Variants in PDE1A observed in about 807,000 individuals in gnomAD.
PDE1A encodes dual specificity calcium/calmodulin-dependent 3',5'-cyclic nucleotide phosphodiesterase 1A.
In PDE1A, 35 loss-of-function variants were observed where a neutral mutation model predicts 61.7. The ratio of observed to expected loss-of-function variants is 0.57; its 90% CI spans 0.43 to 0.75. The LOEUF (loss-of-function observed/expected upper bound fraction) is 0.75. PDE1A is among the 30% of genes least tolerant of loss of function. The pLI, the probability that PDE1A is intolerant of heterozygous loss-of-function variation, is 0.00. For missense variants in PDE1A, 597 were observed against 630.6 expected (o/e 0.95, Z 0.57); for synonymous variants, 232 against 213.2 (o/e 1.09, Z -0.77).
intron 2 of PDE1A, among the ~76,000 whole-genome samples, chr2:182,464,510 G>A (rs146991666): frequency 2.0e-5 from 3 of 152,142 alleles, no homozygotes; most frequent in African/African-American, 7.2e-5. Context: ...AATAGACTAT[G>A]CATCAACCTC....
the PDE1A span, among the ~76,000 whole-genome samples, chr2:182,712,190 C>CT: frequency 6.6e-6 from 1 of 152,176 alleles, no homozygotes; most frequent in Non-Finnish European, 1.5e-5. Context: ...TCACAAGTGT[C>CT]AAAGTCTTAA....
the PDE1A span, among the ~76,000 whole-genome samples, chr2:182,690,509 A>C: frequency 6.6e-6 from 1 of 152,214 alleles, no homozygotes; most frequent in African/African-American, 2.4e-5. Context: ...TCAATAAATT[A>C]GGTATTGATG....
At chr2:182,264,020 A>G (rs958600611) in intron 2 of PDE1A, among the ~76,000 whole-genome samples, 1 of 152,196 alleles carries the variant, frequency 6.6e-6, no homozygotes, top group Non-Finnish European at 1.5e-5. Flanking sequence ...TCTGAGCCCA[A>G]GGAGACTGAG....
chr2:182,370,624 C>G (rs541890926), intron 1 of PDE1A, among the ~76,000 whole-genome samples: 1 of 152,134 alleles, frequency 6.6e-6, no homozygotes, highest in African/African-American at 2.4e-5. Flanking sequence ...GCTGGTGAGA[C>G]TGCTGTTAGA....
At chr2:182,600,338 G>A in the PDE1A span, among the ~76,000 whole-genome samples, 1 of 152,060 alleles carries the variant, frequency 6.6e-6, no homozygotes, top group Non-Finnish European at 1.5e-5. Context: ...CAACATTATT[G>A]TAAGTTGTTT....
rs778313196 is a variant in PDE1A, at chr2:182,365,615, A to G, written c.53+60963T>C. Among the ~76,000 whole-genome samples the G allele has an allele frequency of 9.0e-4, 137 of 151,788 alleles. 1 individual carries two copies. Among genetic ancestry groups the G allele is most frequent in the Middle Eastern group, 3.2e-3 (1 of 316 alleles). ...GCTCCTTCTTTCCTTATTTCTATTC[A>G]TCCTGTGTTCTTCTCCTTACTCCTC... On this transcript the variant is annotated intron_variant, in intron 1 of 13. Transcript: ENST00000351439.
At chr2:182,502,721 C>T (rs143472700) in intron 2 of PDE1A, among the ~76,000 whole-genome samples, 415 of 152,210 alleles carry the variant, frequency 2.7e-3, no homozygotes, top group African/African-American at 9.5e-3. Context: ...CCCTAAAAAT[C>T]AGACTTTTTT....
intron 1 of PDE1A, among the ~76,000 whole-genome samples, chr2:182,276,287 C>A (rs927757326): frequency 6.6e-6 from 1 of 152,034 alleles, no homozygotes; most frequent in Non-Finnish European, 1.5e-5. Context: ...AAGTCAGGGA[C>A]CCCAAACGGA....
intron 10 of PDE1A, 39 bp from the exon 11 acceptor site, chr2:182,189,099 G>A (rs768170039): frequency 5.0e-6 from 7 of 1,394,000 alleles, no homozygotes; most frequent in South Asian, 1.2e-5. Context: ...ACTTGGGTTG[G>A]AGAAGCTAAA....
the PDE1A span, among the ~76,000 whole-genome samples, chr2:182,630,364 G>A: frequency 6.6e-6 from 1 of 152,070 alleles, no homozygotes; most frequent in Non-Finnish European, 1.5e-5. Flanking sequence ...AGGAAACCGT[G>A]ATTTTCCCAA....
intron 2 of PDE1A, among the ~76,000 whole-genome samples, chr2:182,464,807 T>C (rs970291749): frequency 2.6e-5 from 4 of 152,026 alleles, no homozygotes; most frequent in African/African-American, 9.7e-5. Flanking sequence ...CTAATAGGAA[T>C]CTTGCTCAAG....
chr2:182,677,992 C>G, the PDE1A span, among the ~76,000 whole-genome samples: 1 of 152,240 alleles, frequency 6.6e-6, no homozygotes, highest in Non-Finnish European at 1.5e-5. Flanking sequence ...CTTAATATAT[C>G]GCAGCACAAA....
chr2:182,458,993 A>G (rs770713184), intron 2 of PDE1A, among the ~76,000 whole-genome samples: 3 of 152,084 alleles, frequency 2.0e-5, no homozygotes, highest in Non-Finnish European at 2.9e-5. Context: ...ATTCTTACAC[A>G]ATATAGTAAA....
At chr2:182,627,055 A>AT in the PDE1A span, among the ~76,000 whole-genome samples, 4 of 1,348 alleles carry the variant, frequency 3.0e-3, no homozygotes, top group Non-Finnish European at 5.2e-3. Flanking sequence ...TTATATATAA[A>AT]ATATAATATA....
chr2:182,613,033 T>C, the PDE1A span, among the ~76,000 whole-genome samples: 3 of 152,226 alleles, frequency 2.0e-5, no homozygotes, highest in Admixed American at 6.5e-5. Context: ...TTTGTAGTTA[T>C]ACAAATTTTA....
intron 1 of PDE1A, among the ~76,000 whole-genome samples, chr2:182,371,885 A>G (rs1261002025): frequency 1.3e-5 from 2 of 152,200 alleles, no homozygotes; most frequent in East Asian, 3.8e-4. Flanking sequence ...CCTGGGCTCA[A>G]GGGATCCTCC....
chr2:182,628,590 T>G, the PDE1A span, among the ~76,000 whole-genome samples: 4 of 152,136 alleles, frequency 2.6e-5, no homozygotes, highest in African/African-American at 9.7e-5. Context: ...TGTATAGTAT[T>G]AGTACTCTCA....
Position 182,375,090 on chromosome 2 carries a change from G to C in PDE1A, c.53+51488C>G, listed in dbSNP as rs184227944. ...CCACCAGGTCCCTGACTCAACACAT[G>C]GGAATTATGGGAGTACAATTTGAGA... On this transcript the variant is annotated intron_variant, in intron 1 of 13. Transcript: ENST00000351439. 3.3e-4 allele frequency among the ~76,000 whole-genome samples: 50 copies of C among 152,246 alleles called. No homozygotes were observed. In the East Asian group the frequency reaches 5.4e-3, roughly 16 times the overall value.
intron 13 of PDE1A, among the ~76,000 whole-genome samples, chr2:182,161,435 G>T (rs1162562207): frequency 6.6e-6 from 1 of 152,044 alleles, no homozygotes; most frequent in Non-Finnish European, 1.5e-5. Flanking sequence ...AAATTCTGAA[G>T]AGTATTTTTT....
Sources: allele counts gnomAD v4.1 joint callset (sites outside exome capture counted in the v4.1 genomes callset), GRCh38; gene constraint gnomAD v4.1.1; transcripts MANE v1.5; gene names NCBI Gene and HGNC (gene_info 2026-07-23, HGNC 2026-07-21).